Variants in WWOX observed in about 807,000 individuals in gnomAD.
WWOX encodes WW domain-containing oxidoreductase.
WWOX carries 69 observed loss-of-function variants against 46.2 expected under a neutral mutation model. The ratio of observed to expected loss-of-function variants is 1.49; its 90% CI spans 1.23 to 1.82. The LOEUF (loss-of-function observed/expected upper bound fraction) is 1.82, where lower values mean the gene tolerates loss of function less well. Ranked by LOEUF, WWOX falls within the 40% of genes most tolerant of loss-of-function variation. WWOX has a pLI of 0.00. For missense variants in WWOX, 919 were observed against 542.6 expected (o/e 1.69, Z -6.89); for synonymous variants, 359 against 202.6 (o/e 1.77, Z -6.56).
chr16:78,803,521 T>G (rs547242978), intron 8 of WWOX, among the ~76,000 whole-genome samples: 6 of 152,150 alleles, frequency 3.9e-5, no homozygotes, highest in Non-Finnish European at 8.8e-5. Flanking sequence ...ATCACAGCTT[T>G]CTGCAGCATT....
chr16:78,861,973 C>T (rs1192075064), intron 8 of WWOX, among the ~76,000 whole-genome samples: 9 of 152,096 alleles, frequency 5.9e-5, no homozygotes. Context: ...GTAGGAGTCT[C>T]TGGAGAAATT....
intron 8 of WWOX, among the ~76,000 whole-genome samples, chr16:79,026,100 C>T (rs1332628033): frequency 6.6e-6 from 1 of 151,604 alleles, no homozygotes; most frequent in Non-Finnish European, 1.5e-5. Flanking sequence ...CATGCCCAGC[C>T]CCTGTTGCCC....
chr16:78,460,632 A>G (rs2083927108), intron 8 of WWOX, among the ~76,000 whole-genome samples: 1 of 152,176 alleles, frequency 6.6e-6, no homozygotes, highest in Non-Finnish European at 1.5e-5. Flanking sequence ...GGGAGAACTG[A>G]TGTGGCCTGT....
intron 8 of WWOX, among the ~76,000 whole-genome samples, chr16:79,144,868 A>G (rs538023641): frequency 6.6e-6 from 1 of 152,208 alleles, no homozygotes; most frequent in African/African-American, 2.4e-5. Context: ...TTGTTCTATT[A>G]TTGTTGCTCA....
intron 2 of WWOX, 151 bp downstream of exon 2, chr16:78,108,638 C>A: frequency 3.5e-6 from 3 of 860,780 alleles, no homozygotes. Flanking sequence ...TGGGATTTGG[C>A]AGAAGAAGAT....
intron 8 of WWOX, among the ~76,000 whole-genome samples, chr16:78,567,617 C>G (rs919235458): frequency 5.3e-5 from 8 of 150,760 alleles, no homozygotes; most frequent in African/African-American, 1.7e-4. Flanking sequence ...TTCCCAAGCT[C>G]GCCGCAGCCT....
At chr16:78,511,177 G>A (rs1410740251) in intron 8 of WWOX, among the ~76,000 whole-genome samples, 1 of 152,156 alleles carries the variant, frequency 6.6e-6, no homozygotes, top group Admixed American at 6.5e-5. Context: ...ATCGGGAAAA[G>A]GCAGAAGACG....
intron 8 of WWOX, among the ~76,000 whole-genome samples, chr16:78,761,851 TTAAAACTAACTAG>T (rs1338565381): frequency 6.6e-6 from 1 of 152,196 alleles, no homozygotes; most frequent in Non-Finnish European, 1.5e-5. Flanking sequence ...ATAGACTAAC[TTAAAACTAACTAG>T]TTCATTAGTG....
chr16:78,336,099 G>T (rs1274535927), intron 5 of WWOX, among the ~76,000 whole-genome samples: 1 of 151,004 alleles, frequency 6.6e-6, no homozygotes, highest in Non-Finnish European at 1.5e-5. Flanking sequence ...CTCAAAAAAC[G>T]AAAAACAAAA....
intron 5 of WWOX, among the ~76,000 whole-genome samples, chr16:78,314,490 A>C (rs2080314901): frequency 6.7e-6 from 1 of 149,044 alleles, no homozygotes; most frequent in Non-Finnish European, 1.5e-5. Context: ...AGCAACCACC[A>C]AGTCCACCTC....
At chr16:78,654,538 G>T (rs2047038332) in intron 8 of WWOX, among the ~76,000 whole-genome samples, 1 of 152,110 alleles carries the variant, frequency 6.6e-6, no homozygotes, top group South Asian at 2.1e-4. Flanking sequence ...GAGCTCTTTG[G>T]AGAAGAGGCC....
chr16:78,797,772 G>T (rs1369356548), intron 8 of WWOX, among the ~76,000 whole-genome samples: 1 of 152,166 alleles, frequency 6.6e-6, no homozygotes, highest in Non-Finnish European at 1.5e-5. Context: ...AGGATCTCTT[G>T]AGGCTAGGAG....
At chr16:78,969,342 C>T (rs913534523) in intron 8 of WWOX, among the ~76,000 whole-genome samples, 4 of 151,798 alleles carry the variant, frequency 2.6e-5, no homozygotes, top group South Asian at 2.1e-4. Context: ...CTATCTTGGC[C>T]CACTGCACCC....
intron 8 of WWOX, among the ~76,000 whole-genome samples, chr16:78,885,352 C>T (rs2044432967): frequency 6.6e-6 from 1 of 152,124 alleles, no homozygotes; most frequent in Admixed American, 6.6e-5. Flanking sequence ...TCTTTCCTGT[C>T]AGCTCAGTAC....
At chr16:78,710,580 A>G (rs115806921) in intron 8 of WWOX, among the ~76,000 whole-genome samples, 3,250 of 144,618 alleles carry the variant, frequency 0.022, 122 homozygotes, top group African/African-American at 0.079. Context: ...ATCTAAATAT[A>G]TAAAATATAT....
chr16:78,443,135 CAAA>C (rs759618827), intron 8 of WWOX, among the ~76,000 whole-genome samples: 3,428 of 39,824 alleles, frequency 0.086, 79 homozygotes, highest in South Asian at 0.19. Context: ...GACTCCATCT[CAAA>C]AAAAAAAAAA....
intron 8 of WWOX, among the ~76,000 whole-genome samples, chr16:78,813,960 C>G (rs1194041224): frequency 6.6e-6 from 1 of 152,150 alleles, no homozygotes; most frequent in African/African-American, 2.4e-5. Context: ...TCTCCCCACC[C>G]CCAATTCTAT....
intron 5 of WWOX, among the ~76,000 whole-genome samples, chr16:78,204,869 A>G (rs1049081451): frequency 1.3e-5 from 2 of 152,252 alleles, no homozygotes; most frequent in African/African-American, 4.8e-5. Flanking sequence ...CCTTGCCATT[A>G]GTTAGGTAAA....
chr16:78,399,490 G>C (rs1306584558), intron 6 of WWOX, among the ~76,000 whole-genome samples: 2 of 152,274 alleles, frequency 1.3e-5, no homozygotes, highest in South Asian at 2.1e-4. Flanking sequence ...TGGATCATGG[G>C]ACTGAGCCAG....
Sources: allele counts gnomAD v4.1 joint callset (sites outside exome capture counted in the v4.1 genomes callset), GRCh38; gene constraint gnomAD v4.1.1; transcripts MANE v1.5; gene names NCBI Gene and HGNC (gene_info 2026-07-23, HGNC 2026-07-21).